Variants in SLC12A8 observed in about 807,000 individuals in gnomAD.
SLC12A8 encodes cation-chloride cotransporter 9.
A neutral mutation model predicts 75.6 loss-of-function variants in SLC12A8; 69 were observed. The ratio of observed to expected loss-of-function variants is 0.91; its 90% confidence interval spans 0.75 to 1.11. The LOEUF (loss-of-function observed/expected upper bound fraction) is 1.11, where lower values mean the gene tolerates loss of function less well. SLC12A8 is among the 50% of genes most tolerant of loss of function. SLC12A8 has a pLI of 0.00. For missense variants in SLC12A8, 877 were observed against 896.7 expected (o/e 0.98, Z 0.28); for synonymous variants, 365 against 372.8 (o/e 0.98, Z 0.24).
At chr3:125,164,220 G>C (rs1934239310) in intron 5 of SLC12A8, among the ~76,000 whole-genome samples, 1 of 152,198 alleles carries the variant, frequency 6.6e-6, no homozygotes, top group African/African-American at 2.4e-5. Flanking sequence ...GCCAGCGGGT[G>C]CCAGGGGGCA....
intron 5 of SLC12A8, among the ~76,000 whole-genome samples, chr3:125,147,060 T>A (rs1933794499): frequency 1.3e-5 from 2 of 152,164 alleles, no homozygotes; most frequent in South Asian, 4.1e-4. Flanking sequence ...TGTGTGAGAA[T>A]TTGCAGCAAA....
At chr3:125,202,713 C>G (rs1328826372) in intron 2 of SLC12A8, among the ~76,000 whole-genome samples, 1 of 151,428 alleles carries the variant, frequency 6.6e-6, no homozygotes, top group Non-Finnish European at 1.5e-5. Flanking sequence ...CATGAAAAAC[C>G]TCTACAATGA....
intron 3 of SLC12A8, among the ~76,000 whole-genome samples, chr3:125,188,145 A>G (rs1309520179): frequency 6.6e-6 from 1 of 152,190 alleles, no homozygotes; most frequent in Non-Finnish European, 1.5e-5. Flanking sequence ...GTCCTCCCAC[A>G]GTAATGGGTG....
At chr3:125,085,606 C>T (rs1938435846) in intron 13 of SLC12A8, among the ~76,000 whole-genome samples, 1 of 152,234 alleles carries the variant, frequency 6.6e-6, no homozygotes, top group Non-Finnish European at 1.5e-5. Context: ...GAGACAGAGT[C>T]TCATTCTATT....
chr3:125,101,140 C>A (rs1373073620), intron 10 of SLC12A8, among the ~76,000 whole-genome samples: 1 of 151,888 alleles, frequency 6.6e-6, no homozygotes, highest in Non-Finnish European at 1.5e-5. Context: ...TGGTTAAGAG[C>A]ACAGGTTTGA....
At chr3:125,105,122 C>A (rs1218941455) in intron 10 of SLC12A8, among the ~76,000 whole-genome samples, 1 of 147,492 alleles carries the variant, frequency 6.8e-6, no homozygotes, top group Non-Finnish European at 1.5e-5. Context: ...CATGAAATAT[C>A]CCAGAAAAAA....
At chr3:125,153,332 G>A (rs1021344317) in intron 5 of SLC12A8, among the ~76,000 whole-genome samples, 1 of 152,152 alleles carries the variant, frequency 6.6e-6, no homozygotes, top group Non-Finnish European at 1.5e-5. Context: ...TCAGCACCGC[G>A]TGCCATCAAC....
intron 5 of SLC12A8, among the ~76,000 whole-genome samples, chr3:125,156,209 G>A (rs551615751): frequency 4.6e-5 from 7 of 152,340 alleles, no homozygotes; most frequent in South Asian, 4.1e-4. Flanking sequence ...GCTAGAAACC[G>A]TGCAAATGAA....
intron 6 of SLC12A8, chr3:125,123,492 A>G (rs866528382): frequency 2.0e-5 from 3 of 152,164 alleles, no homozygotes; most frequent in Admixed American, 2.0e-4. Context: ...CACACATCCC[A>G]GCTACTCAGG....
At chr3:125,202,137 T>C (rs894507279) in intron 2 of SLC12A8, among the ~76,000 whole-genome samples, 2 of 152,226 alleles carry the variant, frequency 1.3e-5, no homozygotes, top group Non-Finnish European at 2.9e-5. Context: ...CTCGAACTCC[T>C]GACTTGAGGT....
chr3:125,105,237 T>G, intron 10 of SLC12A8, among the ~76,000 whole-genome samples: 3 of 138,652 alleles, frequency 2.2e-5, no homozygotes, highest in African/African-American at 2.7e-5. Flanking sequence ...GGGATGGGGG[T>G]GGGGAATTAT....
intron 2 of SLC12A8, among the ~76,000 whole-genome samples, chr3:125,192,153 T>C (rs995883835): frequency 1.3e-5 from 2 of 152,102 alleles, no homozygotes; most frequent in South Asian, 4.2e-4. Flanking sequence ...CGACTGTTCC[T>C]CAGTAATAAC....
chr3:125,118,330 A>G (rs1233953996), intron 8 of SLC12A8, among the ~76,000 whole-genome samples: 1 of 152,144 alleles, frequency 6.6e-6, no homozygotes, highest in Non-Finnish European at 1.5e-5. Context: ...CCTGGGCTAG[A>G]GACTATATGA....
intron 10 of SLC12A8, among the ~76,000 whole-genome samples, chr3:125,100,185 G>A (rs79171011): frequency 0.018 from 2,692 of 152,118 alleles, 56 homozygotes; most frequent in Admixed American, 0.048. Context: ...AATATGTAAT[G>A]GAAGTCCCAC....
At chr3:125,113,855 C>G (rs1053346558) in intron 8 of SLC12A8, among the ~76,000 whole-genome samples, 2 of 152,158 alleles carry the variant, frequency 1.3e-5, no homozygotes. Flanking sequence ...CCAGCTCCCA[C>G]TTGAGCTTCG....
At chr3:125,109,636 C>CT (rs1277480612) in intron 9 of SLC12A8, among the ~76,000 whole-genome samples, 3 of 152,182 alleles carry the variant, frequency 2.0e-5, no homozygotes, top group Non-Finnish European at 4.4e-5. Flanking sequence ...TTAGGAATGT[C>CT]TATTTTAATC....
intron 5 of SLC12A8, among the ~76,000 whole-genome samples, chr3:125,136,377 A>G (rs1000404168): frequency 1.1e-4 from 16 of 152,100 alleles, no homozygotes; most frequent in African/African-American, 3.6e-4. Context: ...TAAGCATCGT[A>G]GTGGGCCAAC....
At chr3:125,159,154 G>A (rs914681699) in intron 5 of SLC12A8, among the ~76,000 whole-genome samples, 5 of 152,170 alleles carry the variant, frequency 3.3e-5, no homozygotes, top group Non-Finnish European at 5.9e-5. Flanking sequence ...TTTTAAGTAT[G>A]GTTAGTTTGT....
At chr3:125,111,915 CTTCCCCAGGAACAG>C (rs978109391) in intron 8 of SLC12A8, among the ~76,000 whole-genome samples, 1 of 152,264 alleles carries the variant, frequency 6.6e-6, no homozygotes, top group Non-Finnish European at 1.5e-5. Flanking sequence ...CACCCAGCCT[CTTCCCCAGGAACAG>C]CTTGGCCAGG....
Sources: allele counts gnomAD v4.1 joint callset (sites outside exome capture counted in the v4.1 genomes callset), GRCh38; gene constraint gnomAD v4.1.1; transcripts MANE v1.5; gene names NCBI Gene and HGNC (gene_info 2026-07-23, HGNC 2026-07-21).